Variants in RGS3 observed in about 807,000 individuals in gnomAD.
RGS3 encodes regulator of G-protein signalling 3.
A neutral mutation model predicts 132.6 loss-of-function variants in RGS3; 80 were observed. The observed-to-expected ratio is 0.60, with a 90% CI of 0.50 to 0.73. The LOEUF is 0.73. Ranked by LOEUF, RGS3 falls within the 30% of genes least tolerant of loss-of-function variation. RGS3 has a pLI of 0.00. For synonymous variants in RGS3, 598 were observed against 620.6 expected (o/e 0.96, Z 0.54); for missense variants, 1,382 against 1,530.8 (o/e 0.90, Z 1.62).
At chr9:113,449,298 A>C (rs1349029423) in intron 1 of RGS3, among the ~76,000 whole-genome samples, 1 of 152,204 alleles carries the variant, frequency 6.6e-6, no homozygotes. Context: ...CAGAACCCGG[A>C]AACCAGAAAG....
intron 15 of RGS3, among the ~76,000 whole-genome samples, chr9:113,515,456 C>T (rs1341199483): frequency 2.0e-5 from 3 of 152,088 alleles, no homozygotes; most frequent in Non-Finnish European, 4.4e-5. Context: ...GATAAAAACC[C>T]CATCTCTACT....
chr9:113,495,731 C>A (rs1830660089), intron 7 of RGS3, 55 bp from the exon 6 acceptor site: 2 of 1,457,122 alleles, frequency 1.4e-6, no homozygotes, highest in Non-Finnish European at 1.9e-6. Flanking sequence ...GATAATGGAC[C>A]TCCCGATAGA....
chr9:113,505,124 C>A, intron 10 of RGS3: 1 of 385,532 alleles, frequency 2.6e-6, no homozygotes, highest in South Asian at 3.3e-5. Flanking sequence ...CTGGTGGGCC[C>A]TTGGATCAAG....
intron 4 of RGS3, among the ~76,000 whole-genome samples, 184 bp downstream of exon 2, chr9:113,479,725 T>A (rs1830102850): frequency 6.6e-6 from 1 of 152,152 alleles, no homozygotes; most frequent in Non-Finnish European, 1.5e-5. Flanking sequence ...GCAGCCCTGG[T>A]CCTGCCTTGG....
chr9:113,455,912 G>C (rs1829353684), upstream of RGS3, among the ~76,000 whole-genome samples: 1 of 152,146 alleles, frequency 6.6e-6, no homozygotes, highest in Non-Finnish European at 1.5e-5. Flanking sequence ...TGAGTCCAGG[G>C]TGTTTTTCCT....
intron 4 of RGS3, among the ~76,000 whole-genome samples, chr9:113,482,702 T>C (rs6478011): frequency 0.12 from 18,043 of 152,206 alleles, 1,283 homozygotes; most frequent in African/African-American, 0.19. Context: ...CTATCTTGGG[T>C]TCCCCTCGAA....
intron 19 of RGS3, among the ~76,000 whole-genome samples, chr9:113,570,592 T>C (rs1347135360): frequency 6.6e-6 from 1 of 151,984 alleles, no homozygotes; most frequent in Non-Finnish European, 1.5e-5. Flanking sequence ...TCTGGTACCC[T>C]AGGAATCCCC....
chr9:113,480,092 T>C (rs1323541376), intron 4 of RGS3, among the ~76,000 whole-genome samples: 1 of 152,172 alleles, frequency 6.6e-6, no homozygotes, highest in African/African-American at 2.4e-5. Context: ...AAAGATTAAG[T>C]GAGTTACTGT....
intron 19 of RGS3, among the ~76,000 whole-genome samples, chr9:113,551,947 T>C (rs1299952183): frequency 6.6e-6 from 1 of 152,232 alleles, no homozygotes; most frequent in East Asian, 1.9e-4. Flanking sequence ...CTTTAAATCC[T>C]CACTAACTCT....
At chr9:113,531,027 G>A (rs1369457431) in intron 18 of RGS3, among the ~76,000 whole-genome samples, 2 of 152,198 alleles carry the variant, frequency 1.3e-5, no homozygotes, top group Non-Finnish European at 2.9e-5. Context: ...GAAAAAGAGA[G>A]TCAGGATTTG....
chr9:113,521,152 A>G (rs528822885), intron 16 of RGS3, among the ~76,000 whole-genome samples: 2 of 152,148 alleles, frequency 1.3e-5, no homozygotes, highest in Non-Finnish European at 2.9e-5. Flanking sequence ...GGGAAGGGTT[A>G]GGGTCACTAC....
Position 113,507,546 on chromosome 9 carries a change from G to A in RGS3, c.1345G>A (p.Gly449Arg), listed in dbSNP as rs547398918. Residue 449 changes from glycine (G) to arginine (R), a missense_variant, in exon 13 of 25, where the codon GGG (glycine) becomes AGG (arginine). Physicochemically the swap from Gly to Arg is moderately radical, Grantham distance 125. Coordinates refer to ENST00000350696, the Ensembl canonical transcript of RGS3. The surrounding 1 kb of genome is among the most constrained non-coding windows in gnomAD (Gnocchi z 5.0). Reference sequence around the variant, plus strand: ...GCGCTACACCGAGGTGGCCAAGCGCGGGGGCCAGCACACCCTGCCTGCACT... The same window carrying A: ...GCGCTACACCGAGGTGGCCAAGCGCAGGGGCCAGCACACCCTGCCTGCACT... 16 of 1,592,800 alleles carry A rather than the reference G, an allele frequency of 1.0e-5. No homozygotes were observed. The highest frequency in any genetic ancestry group is 1.2e-5 in the Non-Finnish European group (14 of 1,168,884).
At chr9:113,508,306 G>C (rs935807461) in intron 13 of RGS3, among the ~76,000 whole-genome samples, 1 of 152,194 alleles carries the variant, frequency 6.6e-6, no homozygotes, top group African/African-American at 2.4e-5. Flanking sequence ...GGAAGTTGGG[G>C]ACTTGCCAAG....
At chr9:113,536,588 C>T in intron 18 of RGS3, 1 of 1,391,202 alleles carries the variant, frequency 7.2e-7, no homozygotes, top group Non-Finnish European at 9.4e-7. Context: ...GGGCCCACAG[C>T]TCGCCAGCTG....
Position 113,495,782 on chromosome 9 carries a change from CCAGA to C in RGS3, c.691_694del (p.Gln231ValfsTer7). 1.3e-4 allele frequency: 212 copies of C among 1,613,784 alleles called. 1 individual carries two copies. Among genetic ancestry groups the C allele is most frequent in the Non-Finnish European group, 1.7e-4 (206 of 1,179,764 alleles). On this transcript the variant is annotated splice_acceptor_variant and splice_polypyrimidine_tract_variant and coding_sequence_variant and intron_variant, in exon 8 of 25. Coordinates refer to ENST00000350696, the Ensembl canonical transcript of RGS3. LOFTEE classifies it high-confidence loss of function. ...GCTGACTCAAGTCTCACTTGTTCTC[CCAGA>C]CAGAGTGGACTCATTGGCTGCATGA...
intron 19 of RGS3, among the ~76,000 whole-genome samples, chr9:113,570,783 C>T (rs184127875): frequency 3.4e-4 from 51 of 152,218 alleles, no homozygotes; most frequent in Admixed American, 2.6e-3. Flanking sequence ...ATTACCGGCG[C>T]GTGCCACCAT....
intron 7 of RGS3, among the ~76,000 whole-genome samples, chr9:113,488,460 C>T (rs895383636): frequency 2.6e-5 from 4 of 152,210 alleles, no homozygotes; most frequent in African/African-American, 9.7e-5. Context: ...CAAGGGTCCG[C>T]TCCCTGTCTT....
intron 20 of RGS3, among the ~76,000 whole-genome samples, chr9:113,588,433 C>T (rs1265663218): frequency 6.6e-6 from 1 of 152,154 alleles, no homozygotes; most frequent in Non-Finnish European, 1.5e-5. Context: ...CGACCAGGAC[C>T]AATAGGGAAA....
chr9:113,529,209 G>T lies in RGS3; in HGVS notation c.1871-12G>T, dbSNP rs1436909659. 1.9e-6 allele frequency: 3 copies of T among 1,610,122 alleles called. No individual in the cohort carries two copies. Among genetic ancestry groups the T allele is most frequent in the Admixed American group, 3.3e-5 (2 of 60,016 alleles). Reference sequence around the variant, plus strand: ...AGTTCTAATGCAAATCTTACTTTTTGTTCCCTCAAAGGTTCTTCAGAAGAC... The same window carrying T: ...AGTTCTAATGCAAATCTTACTTTTTTTTCCCTCAAAGGTTCTTCAGAAGAC... On this transcript the variant is annotated splice_polypyrimidine_tract_variant and intron_variant, in intron 17 of 24. Coordinates refer to ENST00000350696, the Ensembl canonical transcript of RGS3.
Sources: gnomAD v4.1 joint callset for allele counts (sites outside exome capture counted in the v4.1 genomes callset) on GRCh38, gnomAD v4.1.1 for gene constraint, Gnocchi (gnomAD v3.1) non-coding constraint, MANE v1.5 for transcripts, NCBI Gene and HGNC (gene_info 2026-07-23, HGNC 2026-07-21) for gene names.